Variants in SERP1 observed in about 807,000 individuals in gnomAD.
The protein encoded by SERP1 is stress associated endoplasmic reticulum protein 1, also known as stress-associated endoplasmic reticulum protein 1.
SERP1 carries 6 observed loss-of-function variants against 8.8 expected under a neutral mutation model. The observed-to-expected ratio is 0.68, with a 90% CI of 0.37 to 1.35. The LOEUF (loss-of-function observed/expected upper bound fraction) is 1.35, where lower values mean the gene tolerates loss of function less well. Ranked by LOEUF, SERP1 falls within the 40% of genes most tolerant of loss-of-function variation. SERP1 has a pLI of 0.02. For synonymous variants in SERP1, 36 were observed against 28.7 expected (o/e 1.25, Z -0.81); for missense variants, 52 against 86.2 (o/e 0.60, Z 1.57).
chr3:150,546,475 G>C lies in SERP1; in HGVS notation c.-340C>G, dbSNP rs1723028586. ...GGAAACGCAACGCAACAACGGGAAT[G>C]TGCAGCCCGCCGCCTCGATCTACTT... On this transcript the variant is annotated 5_prime_UTR_variant, in exon 1 of 3. Transcript: ENST00000239944. The C allele has an allele frequency of 1.7e-6, 1 of 572,262 alleles. No individual in the cohort carries two copies. Among genetic ancestry groups the C allele is most frequent in the Non-Finnish European group, 3.1e-6 (1 of 322,638 alleles). 35.4% of individuals were successfully genotyped at this position (572,262 alleles called of 1,614,324 possible).
chr3:150,544,423 C>T lies in SERP1; in HGVS notation c.*35G>A. The T allele has an allele frequency of 6.3e-7, 1 of 1,595,366 alleles. No homozygotes were observed. The highest frequency in any genetic ancestry group is 8.6e-7 in the Non-Finnish European group (1 of 1,163,476). The stretch of plus-strand genomic sequence containing the variant: ...TCAGGAATGAGTTCAAGTTAAAATT[C>T]ACAGGAGAATGGAAACATCTTAAGG... On this transcript the variant is annotated 3_prime_UTR_variant, in exon 3 of 3. Transcript: ENST00000239944.
rs1293783815 is a variant in SERP1, at chr3:150,543,933, CA to C, written c.*524del. The stretch of plus-strand genomic sequence containing the variant: ...ACTTTTTAGATGCTAAAGGTTGTGG[CA>C]AAACTAGGCTGTGTAGTTGTTCCAT... On this transcript the variant is annotated 3_prime_UTR_variant, in exon 3 of 3. Transcript: ENST00000239944. The C allele has an allele frequency of 1.3e-5, 2 of 152,278 alleles. No homozygotes were observed. Among genetic ancestry groups the C allele is most frequent in the Non-Finnish European group, 2.9e-5 (2 of 68,058 alleles). The allele number at this position is 152,278 out of a possible 1,614,324, so 9.4% of individuals were successfully genotyped here. A position where few individuals can be genotyped will look rare whatever the true frequency, so the allele number is the denominator to read the frequency against.
Position 150,544,384 on chromosome 3 carries a change from C to A in SERP1, c.*74G>T, listed in dbSNP as rs1305921070. The A allele has an allele frequency of 2.0e-5, 26 of 1,310,156 alleles. No individual in the cohort carries two copies. The highest frequency in any genetic ancestry group is 2.9e-5 in the Non-Finnish European group (26 of 906,734). The allele number at this position is 1,310,156 out of a possible 1,614,324, so 81.2% of individuals were successfully genotyped here. A position where few individuals can be genotyped will look rare whatever the true frequency, so the allele number is the denominator to read the frequency against. On this transcript the variant is annotated 3_prime_UTR_variant, in exon 3 of 3. Coordinates refer to ENST00000239944, the MANE Select transcript of SERP1 (RefSeq NM_014445.4). ...GATGCTTTACTGAATTGTTTTCAAC[C>A]AGGGTATCAAACATCAGGAATGAGT...
rs1723026336 is a variant in SERP1 at position 150,546,429 on chromosome 3, G to A, written c.-294C>T. ...TCGCCGCCGCTTTGGCCGCCGCCGT[G>A]AGCGCGGAGTGAAAGAGGAAGGAAA... On this transcript the variant is annotated 5_prime_UTR_variant, in exon 1 of 3. Transcript: ENST00000239944. 3 of 554,420 alleles carry A rather than the reference G, an allele frequency of 5.4e-6. No homozygotes were observed. Among genetic ancestry groups the A allele is most frequent in the Non-Finnish European group, 9.5e-6 (3 of 317,064 alleles). 34.3% of individuals were successfully genotyped at this position (554,420 alleles called of 1,614,324 possible).
At position 150,546,450 on chromosome 3, in the gene SERP1, G is replaced by A. The variant is rs1723027221; in HGVS notation, c.-315C>T. The A allele has an allele frequency of 5.4e-6, 3 of 557,102 alleles. No individual in the cohort carries two copies. Among genetic ancestry groups the A allele is most frequent in the Admixed American group, 3.5e-5 (1 of 28,342 alleles). The allele number at this position is 557,102 out of a possible 1,614,324, so 34.5% of individuals were successfully genotyped here. A position where few individuals can be genotyped will look rare whatever the true frequency, so the allele number is the denominator to read the frequency against. On this transcript the variant is annotated 5_prime_UTR_variant, in exon 1 of 3. Coordinates refer to ENST00000239944, the MANE Select transcript of SERP1 (RefSeq NM_014445.4). ...CCGTGAGCGCGGAGTGAAAGAGGAA[G>A]GAAACGCAACGCAACAACGGGAATG...
intron 2 of SERP1, 137 bp from the exon 3 acceptor site, chr3:150,544,635 A>G: frequency 1.6e-6 from 1 of 609,896 alleles, no homozygotes. Flanking sequence ...CAGTATAATA[A>G]GAAGTGAAGA....
rs1486281916 is a variant in SERP1 at position 150,546,496 on chromosome 3, T to G, written c.-361A>C. The G allele has an allele frequency of 5.3e-6, 3 of 571,096 alleles. No individual in the cohort carries two copies. The African/African-American group carries it at 5.7e-5, about 11-fold the overall frequency. The allele number at this position is 571,096 out of a possible 1,614,324, so 35.4% of individuals were successfully genotyped here. A position where few individuals can be genotyped will look rare whatever the true frequency, so the allele number is the denominator to read the frequency against. On this transcript the variant is annotated 5_prime_UTR_variant, in exon 1 of 3. Transcript: ENST00000239944. ...GAATGTGCAGCCCGCCGCCTCGATCTACTTTGGGTTCGGCTGCCAACGTCA... is the reference window on the plus strand; with the variant it reads ...GAATGTGCAGCCCGCCGCCTCGATCGACTTTGGGTTCGGCTGCCAACGTCA...
chr3:150,544,324 A>G lies in SERP1; in HGVS notation c.*134T>C. Reference sequence around the variant, plus strand: ...ACTCATGAAGAAACCTTGGAATGACACATGAAGCATGATAGGAAAGTCATT... The same window carrying G: ...ACTCATGAAGAAACCTTGGAATGACGCATGAAGCATGATAGGAAAGTCATT... On this transcript the variant is annotated 3_prime_UTR_variant, in exon 3 of 3. Coordinates refer to ENST00000239944, the MANE Select transcript of SERP1 (RefSeq NM_014445.4). The G allele has an allele frequency of 1.2e-6, 1 of 816,108 alleles. No individual in the cohort carries two copies. The highest frequency in any genetic ancestry group is 2.1e-5 in the Admixed American group (1 of 46,578). The allele number at this position is 816,108 out of a possible 1,614,324, so 50.6% of individuals were successfully genotyped here. A position where few individuals can be genotyped will look rare whatever the true frequency, so the allele number is the denominator to read the frequency against.
At position 150,546,115 on chromosome 3, in the gene SERP1, G is replaced by C. The variant is rs776475809; in HGVS notation, c.21C>G (p.Ile7Met). Residue 7 changes from isoleucine (I) to methionine (M), a missense_variant, in exon 1 of 3, where the codon ATC becomes ATG. Coordinates refer to ENST00000239944, the MANE Select transcript of SERP1 (RefSeq NM_014445.4). MVAKQR[I>M]RMANEKHSKN... ...TGCTGTGCTTCTCGTTGGCCATACG[G>C]ATCCTTTGCTTGGCGACCATCTTCG... is the stretch of plus-strand genomic sequence containing the variant. The C allele has an allele frequency of 6.2e-7, 1 of 1,613,542 alleles. No homozygotes were observed. Among genetic ancestry groups the C allele is most frequent in the Non-Finnish European group, 8.5e-7 (1 of 1,179,880 alleles).
chr3:150,544,574 G>A (rs1722939047), intron 2 of SERP1, 76 bp from the exon 3 acceptor site: 3 of 1,223,836 alleles, frequency 2.5e-6, no homozygotes, highest in Non-Finnish European at 3.6e-6. Flanking sequence ...ATTTATTAAG[G>A]TAGCTGAAGA....
Position 150,544,349 on chromosome 3 carries a change from T to C in SERP1, c.*109A>G. 9.9e-7 allele frequency: 1 copy of C among 1,013,746 alleles called. No individual in the cohort carries two copies. The highest frequency in any genetic ancestry group is 1.6e-6 in the Non-Finnish European group (1 of 644,118). 62.8% of individuals were successfully genotyped at this position (1,013,746 alleles called of 1,614,324 possible). A position where few individuals can be genotyped will look rare whatever the true frequency, so the allele number is the denominator to read the frequency against. ...ACATGAAGCATGATAGGAAAGTCAT[T>C]CTGAGGCAGGATGCTTTACTGAATT... On this transcript the variant is annotated 3_prime_UTR_variant, in exon 3 of 3. Transcript: ENST00000239944.
chr3:150,544,297 T>C lies in SERP1; in HGVS notation c.*161A>G. The C allele has an allele frequency of 4.6e-6, 3 of 656,966 alleles. No individual in the cohort carries two copies. Among genetic ancestry groups the C allele is most frequent in the Non-Finnish European group, 8.1e-6 (3 of 371,942 alleles). 40.7% of individuals were successfully genotyped at this position (656,966 alleles called of 1,614,324 possible). On this transcript the variant is annotated 3_prime_UTR_variant, in exon 3 of 3. Coordinates refer to ENST00000239944, the MANE Select transcript of SERP1 (RefSeq NM_014445.4). ...GTGGTATGGACTAGAAAACTTGGAA[T>C]GACTCATGAAGAAACCTTGGAATGA...
rs1200367296 is a variant in SERP1, at chr3:150,543,266, G to T, written c.*1192C>A. ...TAGCCAATACTTGCAGTTTTCAACAGTACTAGAAAACCCAAAACCTGCCCT... is the reference window on the plus strand; with the variant it reads ...TAGCCAATACTTGCAGTTTTCAACATTACTAGAAAACCCAAAACCTGCCCT... On this transcript the variant is annotated 3_prime_UTR_variant, in exon 3 of 3. Coordinates refer to ENST00000239944, the MANE Select transcript of SERP1 (RefSeq NM_014445.4). 1 of 152,496 alleles carries T rather than the reference G, an allele frequency of 6.6e-6. No individual in the cohort carries two copies. The highest frequency in any genetic ancestry group is 2.4e-5 in the African/African-American group (1 of 41,408). 9.4% of individuals were successfully genotyped at this position (152,496 alleles called of 1,614,324 possible). A position where few individuals can be genotyped will look rare whatever the true frequency, so the allele number is the denominator to read the frequency against.
At position 150,546,141 on chromosome 3, in the gene SERP1, C is replaced by A. The variant is rs200866187; in HGVS notation, c.-6G>T. 6.2e-7 allele frequency: 1 copy of A among 1,612,608 alleles called. No individual in the cohort carries two copies. Among genetic ancestry groups the A allele is most frequent in the South Asian group, 1.1e-5 (1 of 91,088 alleles). On this transcript the variant is annotated 5_prime_UTR_variant, in exon 1 of 3. Coordinates refer to ENST00000239944, the MANE Select transcript of SERP1 (RefSeq NM_014445.4). ...ATCCTTTGCTTGGCGACCATCTTCG[C>A]GGCGCCACCACCTGCCCCGGCCACC...
chr3:150,545,957 G>T, intron 1 of SERP1, 95 bp downstream of exon 1: 1 of 1,525,512 alleles, frequency 6.6e-7, no homozygotes, highest in African/African-American at 1.4e-5. Context: ...ACCAGCCCAC[G>T]GTCGGCCGGA....
rs539466615 is a variant in SERP1, at chr3:150,545,593, C to T, written c.160+110G>A. 222 of 991,368 alleles carry T rather than the reference C, an allele frequency of 2.2e-4. No individual in the cohort carries two copies. The African/African-American group carries it at 3.2e-3, about 14-fold the overall frequency. The allele number at this position is 991,368 out of a possible 1,614,324, so 61.4% of individuals were successfully genotyped here. On this transcript the variant is annotated intron_variant, in intron 2 of 2. Coordinates refer to ENST00000239944, the MANE Select transcript of SERP1 (RefSeq NM_014445.4). ...AAACAGAATTATGTGGAGTCCTCGG[C>T]AGGTGGGTTGAGAACTACGCAGGTA...
At position 150,543,584 on chromosome 3, in the gene SERP1, A is replaced by G. The variant is rs1722922154; in HGVS notation, c.*874T>C. The G allele has an allele frequency of 6.6e-6, 1 of 152,578 alleles. No individual in the cohort carries two copies. The highest frequency in any genetic ancestry group is 1.5e-5 in the Non-Finnish European group (1 of 67,988). The allele number at this position is 152,578 out of a possible 1,614,324, so 9.5% of individuals were successfully genotyped here. ...ACATTGGACTCAACAGCATGTTCTG[A>G]TGAGGCATCCATTTTTAGCAGTATT... On this transcript the variant is annotated 3_prime_UTR_variant, in exon 3 of 3. Coordinates refer to ENST00000239944, the MANE Select transcript of SERP1 (RefSeq NM_014445.4).
intron 1 of SERP1, 112 bp downstream of exon 1, chr3:150,545,940 C>T: frequency 6.9e-7 from 1 of 1,456,942 alleles, no homozygotes; most frequent in South Asian, 1.2e-5. Flanking sequence ...CCCTACCCCT[C>T]CACGGCACCA....
At position 150,546,146 on chromosome 3, in the gene SERP1, C is replaced by G; in HGVS notation, c.-11G>C. The G allele has an allele frequency of 6.2e-7, 1 of 1,612,400 alleles. No individual in the cohort carries two copies. Among genetic ancestry groups the G allele is most frequent in the East Asian group, 2.2e-5 (1 of 44,872 alleles). On this transcript the variant is annotated 5_prime_UTR_variant, in exon 1 of 3. Transcript: ENST00000239944. The stretch of plus-strand genomic sequence containing the variant: ...TTGCTTGGCGACCATCTTCGCGGCG[C>G]CACCACCTGCCCCGGCCACCCCTCG...
Sources: gnomAD v4.1 joint callset for allele counts on GRCh38, gnomAD v4.1.1 for gene constraint, MANE v1.5 for transcripts, NCBI Gene and HGNC (gene_info 2026-07-23, HGNC 2026-07-21) for gene names.